TMEM135: variants seen among roughly 807,000 people sequenced by gnomAD.
The protein encoded by TMEM135 is transmembrane protein 135.
Under a neutral mutation model 60.3 loss-of-function variants are expected in TMEM135, and 30 were observed. The observed-to-expected ratio is 0.50, with a 90% confidence interval of 0.37 to 0.68. The LOEUF is 0.68. TMEM135 is among the 30% of genes least tolerant of loss of function. The probability of loss-of-function intolerance (pLI) is 0.00; values close to 1 mark genes in which losing one functional copy is unlikely to be tolerated. For missense variants in TMEM135, 468 were observed against 548.8 expected, an observed-to-expected ratio of 0.85 and a Z score of 1.47; for synonymous variants, 190 against 186.7, an observed-to-expected ratio of 1.02 and a Z score of -0.14.
intron 5 of TMEM135, among the ~76,000 whole-genome samples, chr11:87,169,110 C>G (rs761506554): frequency 2.6e-5 from 4 of 151,726 alleles, no homozygotes; most frequent in Non-Finnish European, 4.4e-5. Context: ...TTATCAGAGA[C>G]TAGGATTGCA....
intron 5 of TMEM135, among the ~76,000 whole-genome samples, chr11:87,186,879 A>G (rs1406889500): frequency 6.6e-6 from 1 of 152,182 alleles, no homozygotes; most frequent in African/African-American, 2.4e-5. Context: ...TGATTTTGTA[A>G]AACAAGAGAG....
intron 3 of TMEM135, among the ~76,000 whole-genome samples, chr11:87,076,549 C>T (rs955389210): frequency 2.0e-5 from 3 of 152,210 alleles, no homozygotes; most frequent in African/African-American, 7.2e-5. Flanking sequence ...CAAGCTGGTA[C>T]CTACGTGCAA....
chr11:87,058,737 A>G (rs918885223), intron 1 of TMEM135, among the ~76,000 whole-genome samples: 2 of 151,932 alleles, frequency 1.3e-5, no homozygotes, highest in African/African-American at 4.8e-5. Flanking sequence ...GTCCTGCCTC[A>G]GCCTCCCGAG....
intron 4 of TMEM135, among the ~76,000 whole-genome samples, chr11:87,092,480 A>C (rs532298309): frequency 1.3e-5 from 2 of 152,206 alleles, no homozygotes; most frequent in African/African-American, 2.4e-5. Context: ...GTGTTCATGG[A>C]CCACCAATTA....
chr11:87,092,743 T>C (rs1233152004), intron 4 of TMEM135, among the ~76,000 whole-genome samples: 1 of 71,828 alleles, frequency 1.4e-5, no homozygotes, highest in Non-Finnish European at 2.7e-5. Flanking sequence ...GGGTATAGAA[T>C]TCTAGATTGA....
At chr11:87,132,480 T>C (rs1394629632) in intron 4 of TMEM135, among the ~76,000 whole-genome samples, 3 of 152,222 alleles carry the variant, frequency 2.0e-5, no homozygotes, top group African/African-American at 7.2e-5. Flanking sequence ...GGCTTTACTA[T>C]TGTCACTATT....
At chr11:87,147,566 TA>T (rs759746058) in intron 4 of TMEM135, among the ~76,000 whole-genome samples, 1 of 152,108 alleles carries the variant, frequency 6.6e-6, no homozygotes, top group Non-Finnish European at 1.5e-5. Context: ...AGAAAATAAC[TA>T]AAGAAGAAAA....
At chr11:87,151,004 C>A (rs1565462693) in intron 4 of TMEM135, among the ~76,000 whole-genome samples, 1 of 152,056 alleles carries the variant, frequency 6.6e-6, no homozygotes, top group Non-Finnish European at 1.5e-5. Context: ...TCCTTACCTT[C>A]CAAATTTTAA....
chr11:87,212,619 T>TGA (rs2135344735), intron 5 of TMEM135, among the ~76,000 whole-genome samples: 1 of 151,988 alleles, frequency 6.6e-6, no homozygotes, highest in Admixed American at 6.5e-5. Context: ...CTCAGGAGTT[T>TGA]GAGACCATCC....
At chr11:87,125,400 G>A (rs892695614) in intron 4 of TMEM135, among the ~76,000 whole-genome samples, 8 of 152,132 alleles carry the variant, frequency 5.3e-5, no homozygotes, top group Admixed American at 2.6e-4. Context: ...GGCCTCTCTG[G>A]AGAGATGACA....
intron 3 of TMEM135, among the ~76,000 whole-genome samples, chr11:87,086,331 G>C (rs1044153895): frequency 2.0e-5 from 3 of 152,128 alleles, no homozygotes; most frequent in Non-Finnish European, 2.9e-5. Context: ...CCCAGGCCTT[G>C]CTTAGCCCCA....
chr11:87,218,710 C>T (rs1940554790), intron 5 of TMEM135, among the ~76,000 whole-genome samples: 1 of 152,068 alleles, frequency 6.6e-6, no homozygotes, highest in Non-Finnish European at 1.5e-5. Context: ...GCCTGTAATC[C>T]CAGCACTTTA....
intron 5 of TMEM135, among the ~76,000 whole-genome samples, chr11:87,234,790 T>C (rs1940959535): frequency 6.6e-6 from 1 of 152,022 alleles, no homozygotes; most frequent in African/African-American, 2.4e-5. Flanking sequence ...ACATTGTACT[T>C]TTTCTCAGTT....
At chr11:87,313,573 T>A (rs879512146) in intron 11 of TMEM135, 85 bp downstream of exon 11, 22 of 1,155,384 alleles carry the variant, frequency 1.9e-5, no homozygotes, top group African/African-American at 3.0e-5. Flanking sequence ...TTCATCCAAT[T>A]TCTATGAATC....
intron 5 of TMEM135, among the ~76,000 whole-genome samples, chr11:87,210,779 C>T (rs1940350892): frequency 6.6e-6 from 1 of 152,124 alleles, no homozygotes; most frequent in Non-Finnish European, 1.5e-5. Flanking sequence ...AATCCAGCAG[C>T]ACATCAAAGA....
intron 5 of TMEM135, among the ~76,000 whole-genome samples, chr11:87,171,499 G>T (rs1939235999): frequency 1.3e-5 from 2 of 152,036 alleles, no homozygotes; most frequent in Non-Finnish European, 2.9e-5. Context: ...GTTAAGCAGG[G>T]ATTCATAGGT....
At chr11:87,092,396 A>G (rs1285971791) in intron 4 of TMEM135, among the ~76,000 whole-genome samples, 1 of 152,206 alleles carries the variant, frequency 6.6e-6, no homozygotes, top group African/African-American at 2.4e-5. Flanking sequence ...CTCTTTGAGA[A>G]TCTGATGACA....
chr11:87,096,132 G>T, intron 4 of TMEM135: 1 of 256,590 alleles, frequency 3.9e-6, no homozygotes, highest in Non-Finnish European at 7.3e-6. Context: ...ACCTACTTGT[G>T]CCAGTGTTGA....
chr11:87,058,084 T>C (rs2135124137), intron 1 of TMEM135, among the ~76,000 whole-genome samples: 1 of 152,278 alleles, frequency 6.6e-6, no homozygotes, highest in East Asian at 1.9e-4. Context: ...AGGAGGAGTT[T>C]GTTGTTTTGT....
Sources: allele counts gnomAD v4.1 joint callset (sites outside exome capture counted in the v4.1 genomes callset), GRCh38; gene constraint gnomAD v4.1.1; transcripts MANE v1.5; gene names NCBI Gene and HGNC (gene_info 2026-07-23, HGNC 2026-07-21).